The following RCSD1 variants were observed in gnomAD, a reference collection of about 807,000 sequenced individuals.
The protein encoded by RCSD1 is capZ-interacting protein.
In RCSD1, 26 loss-of-function variants were observed where a neutral mutation model predicts 42.5. That is an observed-to-expected ratio of 0.61 (90% CI 0.45 to 0.85). RCSD1 has a LOEUF of 0.85. RCSD1 is among the 40% of genes least tolerant of loss of function. The probability of loss-of-function intolerance (pLI) is 0.00; values close to 1 mark genes in which losing one functional copy is unlikely to be tolerated. For synonymous variants in RCSD1, 220 were observed against 212.2 expected (o/e 1.04, Z -0.32); for missense variants, 571 against 528.3 (o/e 1.08, Z -0.79).
At chr1:167,655,483 T>G (rs1333323868) in intron 1 of RCSD1, among the ~76,000 whole-genome samples, 2 of 152,174 alleles carry the variant, frequency 1.3e-5, no homozygotes, top group Non-Finnish European at 2.9e-5. Context: ...GCTCGTCACA[T>G]AATCAGCTTT....
chr1:167,642,173 C>G (rs550441488), intron 1 of RCSD1, among the ~76,000 whole-genome samples: 1 of 152,288 alleles, frequency 6.6e-6, no homozygotes, highest in African/African-American at 2.4e-5. Flanking sequence ...CTCATGGCCT[C>G]CAAATGATGA....
chr1:167,669,014 T>G (rs1229363), intron 1 of RCSD1, among the ~76,000 whole-genome samples: 115,151 of 152,218 alleles, frequency 0.76, 44,365 homozygotes, highest in African/African-American at 0.9. Context: ...TCTGAATCCC[T>G]TTATTTTTCT....
At chr1:167,701,068 C>T (rs1659625372) in intron 6 of RCSD1, among the ~76,000 whole-genome samples, 1 of 152,128 alleles carries the variant, frequency 6.6e-6, no homozygotes, top group Admixed American at 6.5e-5. Flanking sequence ...TCCGTATTCC[C>T]AACAGAGCCT....
In RCSD1 at chr1:167,707,833, T is replaced by G. The variant is rs1052176615; in HGVS notation, c.*3137T>G. On this transcript the variant is annotated 3_prime_UTR_variant, in exon 7 of 7. Transcript: ENST00000367854. ...TTTGCACCAACCTAATAGCTCGGATTACAAGTATGCACCACCATGCCCAGC... is the reference window on the plus strand; with the variant it reads ...TTTGCACCAACCTAATAGCTCGGATGACAAGTATGCACCACCATGCCCAGC... 2.0e-5 allele frequency among the ~76,000 whole-genome samples: 3 copies of G among 152,182 alleles called. No homozygotes were observed. The highest frequency in any genetic ancestry group is 4.4e-5 in the Non-Finnish European group (3 of 68,028).
chr1:167,697,754 T>C lies in RCSD1; in HGVS notation c.1130T>C (p.Leu377Pro). 1 of 1,539,986 alleles carries C rather than the reference T, an allele frequency of 6.5e-7. No individual in the cohort carries two copies. The highest frequency in any genetic ancestry group is 8.7e-7 in the Non-Finnish European group (1 of 1,145,326). ...GAAAAACAACAGGAGGGGGCAGTGCTCGAGCCAGGCTGCAGCCCCCAGACC... is the reference window on the plus strand; with the variant it reads ...GAAAAACAACAGGAGGGGGCAGTGCCCGAGCCAGGCTGCAGCCCCCAGACC... ...GKEKQQEGAV[L>P]EPGCSPQTGP... Residue 377 changes from leucine (L) to proline (P), a missense_variant, in exon 6 of 7, where the codon CTC (leucine) becomes CCC (proline). Transcript: ENST00000367854.
At chr1:167,656,344 A>G (rs951886116) in intron 1 of RCSD1, among the ~76,000 whole-genome samples, 1 of 152,232 alleles carries the variant, frequency 6.6e-6, no homozygotes, top group African/African-American at 2.4e-5. Context: ...TGATATGCAT[A>G]TAATAATTAA....
At chr1:167,676,549 CTT>C (rs1237489529) in intron 1 of RCSD1, among the ~76,000 whole-genome samples, 2 of 151,924 alleles carry the variant, frequency 1.3e-5, no homozygotes, top group African/African-American at 4.8e-5. Context: ...AAAATAATTT[CTT>C]TTCTTTCTTT....
At chr1:167,646,131 T>C (rs761078) in intron 1 of RCSD1, among the ~76,000 whole-genome samples, 121,580 of 152,140 alleles carry the variant, frequency 0.8, 48,759 homozygotes, top group African/African-American at 0.87. Context: ...AGAATGACTG[T>C]GTTTTCCATC....
At chr1:167,696,065 C>T (rs541338815) in intron 5 of RCSD1, among the ~76,000 whole-genome samples, 11 of 152,130 alleles carry the variant, frequency 7.2e-5, no homozygotes, top group South Asian at 2.1e-4. Flanking sequence ...TCCCAGTATC[C>T]GCCAACTTCA....
At chr1:167,639,763 G>T (rs1322678030) in intron 1 of RCSD1, among the ~76,000 whole-genome samples, 1 of 152,130 alleles carries the variant, frequency 6.6e-6, no homozygotes, top group South Asian at 2.1e-4. Context: ...CAAAGTGCTG[G>T]GATTACAGGC....
At chr1:167,703,994 C>A (rs1225302638) in intron 6 of RCSD1, among the ~76,000 whole-genome samples, 1 of 152,140 alleles carries the variant, frequency 6.6e-6, no homozygotes, top group African/African-American at 2.4e-5. Context: ...TGGTCCACAT[C>A]ACACCCCACC....
In RCSD1 at chr1:167,646,786, C is replaced by T. The variant is rs190357804; in HGVS notation, c.6+16357C>T. Among the ~76,000 whole-genome samples the T allele has an allele frequency of 1.8e-4, 27 of 152,260 alleles. No homozygotes were observed. In the East Asian group the frequency reaches 3.9e-3, roughly 22 times the overall value. On this transcript the variant is annotated intron_variant, in intron 1 of 6. Transcript: ENST00000367854. ...GATGCCTCAAGAGAAATAGGATCCT[C>T]GGAACTTCTGGGGCATCGCCCAAAA...
chr1:167,651,215 G>C (rs1286485970), intron 1 of RCSD1, among the ~76,000 whole-genome samples: 2 of 152,180 alleles, frequency 1.3e-5, no homozygotes, highest in Non-Finnish European at 2.9e-5. Context: ...GGAATTTCAG[G>C]AGACAGTTCA....
chr1:167,684,069 C>A, intron 2 of RCSD1, 68 bp downstream of exon 2: 1 of 1,317,294 alleles, frequency 7.6e-7, no homozygotes, highest in Non-Finnish European at 1.1e-6. Flanking sequence ...CTGGTCAGGC[C>A]CAGCGGAGAG....
rs565033555 is a variant in RCSD1, at chr1:167,695,195, G to A, written c.474+893G>A. Among the ~76,000 whole-genome samples, 30 of 152,376 alleles carry A rather than the reference G, an allele frequency of 2.0e-4. No homozygotes were observed. In the South Asian group the frequency reaches 5.8e-3, roughly 29 times the overall value. On this transcript the variant is annotated intron_variant, in intron 5 of 6. Coordinates refer to ENST00000367854, the MANE Select transcript of RCSD1 (RefSeq NM_052862.4). ...GCCAGAGTGGAAGTCCCCCAGCCAG[G>A]GTGATGGAGACCCCTGAAGGCAGAG...
rs1200919104 is a variant in RCSD1, at chr1:167,705,474, T to TTATTC, written c.*778_*779insTATTC. 6.6e-6 allele frequency: 1 copy of TTATTC among 152,140 alleles called. No homozygotes were observed. Among genetic ancestry groups the TTATTC allele is most frequent in the African/African-American group, 2.4e-5 (1 of 41,436 alleles). The allele number at this position is 152,140 out of a possible 1,614,324, so 9.4% of individuals were successfully genotyped here. On this transcript the variant is annotated 3_prime_UTR_variant, in exon 7 of 7. Transcript: ENST00000367854. Reference sequence around the variant, plus strand: ...GGAGAACTCCCATGGAGAGGCAGAATGGCAGGAGGTTTCATGTCCCGCGTT... The same window carrying TTATTC: ...GGAGAACTCCCATGGAGAGGCAGAATTATTCGGCAGGAGGTTTCATGTCCCGCGTT...
intron 2 of RCSD1, among the ~76,000 whole-genome samples, chr1:167,684,596 C>G (rs1295700445): frequency 6.6e-6 from 1 of 152,080 alleles, no homozygotes; most frequent in East Asian, 1.9e-4. Flanking sequence ...ATGAGGGGGC[C>G]GGGCACGGTG....
At chr1:167,637,231 G>C (rs922568121) in intron 1 of RCSD1, among the ~76,000 whole-genome samples, 3 of 152,196 alleles carry the variant, frequency 2.0e-5, no homozygotes, top group Non-Finnish European at 2.9e-5. Flanking sequence ...AAACAGCACG[G>C]TGTGCATGGG....
Position 167,697,212 on chromosome 1 carries a change from C to T in RCSD1, c.588C>T (p.Asn196=), listed in dbSNP as rs138495529. Residue 196 remains asparagine (N), a synonymous_variant, in exon 6 of 7, where the codon AAC becomes AAT. Transcript: ENST00000367854. ...DFRAVESSQQ[N]GAKEEDGDEV... ...GGGCGGTGGAGTCATCTCAGCAGAA[C>T]GGTGCTAAGGAAGAGGATGGGGATG... The T allele has an allele frequency of 2.2e-4, 354 of 1,614,134 alleles. 1 individual carries two copies. The African/African-American group carries it at 4.0e-3, about 18-fold the overall frequency.
Sources: gnomAD v4.1 joint callset for allele counts (sites outside exome capture counted in the v4.1 genomes callset) on GRCh38, gnomAD v4.1.1 for gene constraint, MANE v1.5 for transcripts, NCBI Gene and HGNC (gene_info 2026-07-23, HGNC 2026-07-21) for gene names.